AP1B1: variants seen among roughly 807,000 people sequenced by gnomAD.
The protein encoded by AP1B1 is adaptor related protein complex 1 subunit beta 1, also known as AP-1 complex subunit beta-1.
AP1B1 carries 36 observed loss-of-function variants against 104.3 expected under a neutral mutation model. The observed-to-expected ratio is 0.35, with a 90% confidence interval of 0.26 to 0.46. AP1B1 has a LOEUF of 0.46. Among genes scored for constraint, AP1B1 ranks in the 20% least tolerant of loss-of-function variants. The pLI is 1.00. For missense variants in AP1B1, 901 were observed against 1,247.9 expected, an observed-to-expected ratio of 0.72 and a Z score of 4.19; for synonymous variants, 504 against 517.5, an observed-to-expected ratio of 0.97 and a Z score of 0.35.
At chr22:29,358,666 A>G (rs1447420461) in intron 5 of AP1B1, 60 bp downstream of exon 5, 1 of 1,569,892 alleles carries the variant, frequency 6.4e-7, no homozygotes, top group Admixed American at 1.7e-5. Context: ...AGTCAAGCCA[A>G]TGTCTTCCCA....
chr22:29,368,986 T>C (rs145704136), intron 1 of AP1B1, among the ~76,000 whole-genome samples: 36 of 151,938 alleles, frequency 2.4e-4, no homozygotes, highest in Admixed American at 1.6e-3. Flanking sequence ...CTTCCAATCC[T>C]ACCTGTAGTT....
chr22:29,345,323 G>A (rs1260969404), intron 11 of AP1B1, among the ~76,000 whole-genome samples: 1 of 149,676 alleles, frequency 6.7e-6, no homozygotes, highest in Non-Finnish European at 1.5e-5. Flanking sequence ...CTCCCAAAGT[G>A]CTGGGTTACA....
intron 1 of AP1B1, among the ~76,000 whole-genome samples, chr22:29,368,556 C>T (rs1387463482): frequency 6.6e-6 from 1 of 152,162 alleles, no homozygotes. Context: ...AATGTAACTG[C>T]TTTGAATCCC....
At chr22:29,386,315 G>A (rs2062521891) in intron 1 of AP1B1, among the ~76,000 whole-genome samples, 1 of 152,212 alleles carries the variant, frequency 6.6e-6, no homozygotes. Context: ...CTGACTGGGA[G>A]TCTGGTGATC....
At chr22:29,344,790 A>G (rs1374178018) in intron 11 of AP1B1, among the ~76,000 whole-genome samples, 6 of 151,434 alleles carry the variant, frequency 4.0e-5, no homozygotes, top group Non-Finnish European at 8.8e-5. Flanking sequence ...AAGTACTGGG[A>G]TTACAGGCGT....
At position 29,349,482 on chromosome 22, in the gene AP1B1, A is replaced by G. The variant is rs903172045; in HGVS notation, c.1272-99T>C. On this transcript the variant is annotated intron_variant, in intron 10 of 22. Coordinates refer to ENST00000357586, the MANE Select transcript of AP1B1 (RefSeq NM_001127.4). ...CAGGAGGGAAGGGGACCTGCCTCCTAAGACCCCAAGGTGGCAGGTAAAGGG... is the reference window on the plus strand; with the variant it reads ...CAGGAGGGAAGGGGACCTGCCTCCTGAGACCCCAAGGTGGCAGGTAAAGGG... The G allele has an allele frequency of 1.3e-5, 17 of 1,302,984 alleles. No homozygotes were observed. In the Admixed American group the frequency reaches 1.5e-4, roughly 11 times the overall value. 80.7% of individuals were successfully genotyped at this position (1,302,984 alleles called of 1,614,324 possible). A position where few individuals can be genotyped will look rare whatever the true frequency, so the allele number is the denominator to read the frequency against.
intron 1 of AP1B1, among the ~76,000 whole-genome samples, chr22:29,386,592 T>C (rs2062526264): frequency 6.6e-6 from 1 of 152,006 alleles, no homozygotes; most frequent in Non-Finnish European, 1.5e-5. Context: ...GATGGGAATA[T>C]AAGGTGACAA....
At chr22:29,364,208 T>C (rs1198877485) in intron 2 of AP1B1, among the ~76,000 whole-genome samples, 1 of 152,184 alleles carries the variant, frequency 6.6e-6, no homozygotes, top group Non-Finnish European at 1.5e-5. Context: ...GGGTTTCACT[T>C]CCTGAGACAC....
At position 29,336,607 on chromosome 22, in the gene AP1B1, G is replaced by T. The variant is rs1275355391; in HGVS notation, c.2164-2197C>A. ...ATCTGAGGTCACGAGTTCAAGACTA[G>T]CCTGGCCAACATAGTGAAATCCTGT... On this transcript the variant is annotated intron_variant, in intron 16 of 22. Coordinates refer to ENST00000357586, the MANE Select transcript of AP1B1 (RefSeq NM_001127.4). 2.0e-5 allele frequency among the ~76,000 whole-genome samples: 3 copies of T among 150,430 alleles called. No homozygotes were observed. The East Asian group carries it at 5.8e-4, about 29-fold the overall frequency.
chr22:29,342,163 T>A, intron 12 of AP1B1, 122 bp downstream of exon 12: 1 of 789,806 alleles, frequency 1.3e-6, no homozygotes, highest in Non-Finnish European at 2.0e-6. Context: ...TGGAAGCCAG[T>A]CCCACCCACA....
intron 1 of AP1B1, among the ~76,000 whole-genome samples, chr22:29,384,175 C>A (rs375629565): frequency 2.6e-5 from 4 of 152,120 alleles, no homozygotes; most frequent in African/African-American, 4.8e-5. Flanking sequence ...CAATACATAC[C>A]TAGCCCTTAG....
intron 17 of AP1B1, chr22:29,333,109 C>G (rs2061586390): frequency 6.5e-6 from 1 of 154,458 alleles, no homozygotes; most frequent in African/African-American, 2.4e-5. Context: ...GGTAGAGCCA[C>G]CCCTAGCCCC....
chr22:29,383,043 T>C (rs941644224), intron 1 of AP1B1, among the ~76,000 whole-genome samples: 2 of 152,172 alleles, frequency 1.3e-5, no homozygotes, highest in Non-Finnish European at 2.9e-5. Context: ...TCTCTCCCAT[T>C]AAAATGAAGT....
In AP1B1 at chr22:29,340,739, G is replaced by T; in HGVS notation, c.1915C>A (p.Pro639Thr). The change falls in exon 14 of 23, where the codon CCC becomes ACC. Residue 639 changes from proline to threonine, a missense_variant. Physicochemically the swap from Pro to Thr is conservative, Grantham distance 38. Transcript: ENST00000357586. ...LGDLLNLDLG[P>T]PVSGPPLATS... is the part of the protein sequence containing the mutation. ...GCCAGGGGTGGGCCGCTCACTGGGG[G>T]GCCGAGGTCCAGGTTGAGGAGGTCA... The T allele has an allele frequency of 6.3e-7, 1 of 1,595,980 alleles. No homozygotes were observed. The highest frequency in any genetic ancestry group is 1.8e-5 in the Admixed American group (1 of 56,668).
At position 29,350,088 on chromosome 22, in the gene AP1B1, C is replaced by G. The variant is rs200437061; in HGVS notation, c.1218G>C (p.Val406=). The change falls in exon 10 of 23, where the codon GTG becomes GTC. Residue 406 remains valine (V), a synonymous_variant. Coordinates refer to ENST00000357586, the MANE Select transcript of AP1B1 (RefSeq NM_001127.4). ...LDLIQTKVNY[V]VQEAIVVIKD... ...TGATGACCACGATGGCCTCCTGGAC[C>G]ACATAGTTGACCTTGGTCTGGATGA... The G allele has an allele frequency of 1.2e-6, 2 of 1,614,192 alleles. No homozygotes were observed. The highest frequency in any genetic ancestry group is 1.7e-6 in the Non-Finnish European group (2 of 1,180,026).
chr22:29,334,240 T>C (rs751942951), intron 17 of AP1B1, 25 bp downstream of exon 17: 22 of 1,559,706 alleles, frequency 1.4e-5, no homozygotes, highest in Middle Eastern at 1.7e-4. Flanking sequence ...TCTTGAGAGG[T>C]GCGCTGGCCT....
At chr22:29,360,492 C>A (rs972716182) in intron 3 of AP1B1, among the ~76,000 whole-genome samples, 1 of 152,164 alleles carries the variant, frequency 6.6e-6, no homozygotes, top group Non-Finnish European at 1.5e-5. Context: ...TGGAGGGTCG[C>A]AGGGAAGCAG....
chr22:29,330,194 A>C (rs531567972), intron 21 of AP1B1, 184 bp downstream of exon 21: 2 of 1,452,890 alleles, frequency 1.4e-6, no homozygotes, highest in South Asian at 2.8e-5. Context: ...TTGGTGTCTT[A>C]TCTGGGTAAC....
In AP1B1 at chr22:29,340,785, G is replaced by A. The variant is rs776339844; in HGVS notation, c.1869C>T (p.Pro623=). The stretch of plus-strand genomic sequence containing the variant: ...GGTCACCCAGCAGGTCGCCCTGGGC[G>A]GGGATGACATCTGGCTGCTCCCCAG... ...APPGEQPDVI[P]AQGDLLGDLL... Residue 623 remains proline (P), a synonymous_variant, in exon 14 of 23, where the codon CCC becomes CCT. Transcript: ENST00000357586. 1.1e-4 allele frequency: 170 copies of A among 1,600,246 alleles called. No individual in the cohort carries two copies. Among genetic ancestry groups the A allele is most frequent in the Non-Finnish European group, 1.3e-4 (157 of 1,174,806 alleles).
Sources: allele counts gnomAD v4.1 joint callset (sites outside exome capture counted in the v4.1 genomes callset), GRCh38; gene constraint gnomAD v4.1.1; transcripts MANE v1.5; gene names NCBI Gene and HGNC (gene_info 2026-07-23, HGNC 2026-07-21).